ARHGEF37: variants seen among roughly 807,000 people sequenced by gnomAD.
ARHGEF37 encodes the protein Rho guanine nucleotide exchange factor 37, also known as Rho guanine nucleotide exchange factor (GEF) 37.
ARHGEF37 carries 55 observed loss-of-function variants against 71.1 expected under a neutral mutation model. The observed-to-expected ratio is 0.77, with a 90% CI of 0.62 to 0.97. The LOEUF is 0.97. Among genes scored for constraint, ARHGEF37 ranks in the 50% least tolerant of loss-of-function variants. The probability of loss-of-function intolerance (pLI) is 0.00; values close to 1 mark genes in which losing one functional copy is unlikely to be tolerated. For synonymous variants in ARHGEF37, 327 were observed against 350.6 expected (o/e 0.93, Z 0.75); for missense variants, 765 against 836.8 (o/e 0.91, Z 1.06).
chr5:149,558,367 G>A (rs879159497), intron 1 of ARHGEF37, among the ~76,000 whole-genome samples: 1 of 152,104 alleles, frequency 6.6e-6, no homozygotes, highest in African/African-American at 2.4e-5. Flanking sequence ...TTAGCTGGGC[G>A]TGGTGGCTTG....
chr5:149,565,362 A>C (rs940125632), intron 1 of ARHGEF37, among the ~76,000 whole-genome samples: 3 of 152,212 alleles, frequency 2.0e-5, no homozygotes, highest in African/African-American at 4.8e-5. Flanking sequence ...GCATTAGCAC[A>C]CTGGGTAATA....
At chr5:149,605,190 G>A (rs1310746579) in intron 3 of ARHGEF37, among the ~76,000 whole-genome samples, 4 of 147,110 alleles carry the variant, frequency 2.7e-5, no homozygotes, top group Non-Finnish European at 5.9e-5. Flanking sequence ...TTGTGCCACT[G>A]CACTGCAGCC....
chr5:149,616,639 G>C lies in ARHGEF37; in HGVS notation c.531G>C (p.Leu177=), dbSNP rs1380172496. 1.9e-6 allele frequency: 3 copies of C among 1,613,426 alleles called. No individual in the cohort carries two copies. The African/African-American group carries it at 4.0e-5, about 22-fold the overall frequency. ...IPLQRITRYP[L]LLQKILENTV... ...TGCAGAGGATCACCAGGTACCCACT[G>C]CTGCTGCAGAAAATCCTGGAGAACA... Residue 177 remains leucine (L), a synonymous_variant, in exon 5 of 13, where the codon CTG becomes CTC. Transcript: ENST00000333677.
chr5:149,588,411 C>T (rs1296103477), intron 1 of ARHGEF37, among the ~76,000 whole-genome samples: 4 of 152,186 alleles, frequency 2.6e-5, no homozygotes, highest in Non-Finnish European at 4.4e-5. Context: ...ATTTTTGTGT[C>T]TCAGCCACCC....
chr5:149,576,092 A>C (rs981390780), intron 1 of ARHGEF37, among the ~76,000 whole-genome samples: 6 of 152,156 alleles, frequency 3.9e-5, no homozygotes, highest in African/African-American at 1.4e-4. Flanking sequence ...CTGAAAATAC[A>C]AAATTAGCTG....
chr5:149,599,432 A>AACTT (rs1763687048), intron 2 of ARHGEF37, among the ~76,000 whole-genome samples: 4 of 44,934 alleles, frequency 8.9e-5, no homozygotes, highest in African/African-American at 4.1e-4. Flanking sequence ...GCCCAAGGCA[A>AACTT]ACTTATTTAT....
At chr5:149,600,988 G>T in intron 2 of ARHGEF37, 120 bp from the exon 3 acceptor site, 1 of 1,196,006 alleles carries the variant, frequency 8.4e-7, no homozygotes, top group Non-Finnish European at 1.1e-6. Context: ...TTCCACTGGG[G>T]CAGCCAATCT....
intron 3 of ARHGEF37, among the ~76,000 whole-genome samples, chr5:149,603,840 G>T (rs1261119461): frequency 6.6e-6 from 1 of 152,204 alleles, no homozygotes; most frequent in Non-Finnish European, 1.5e-5. Context: ...GGAGTCTGAG[G>T]CACGAGAATC....
chr5:149,634,855 A>T lies in ARHGEF37; in HGVS notation c.*2664A>T, dbSNP rs1056189. On this transcript the variant is annotated 3_prime_UTR_variant, in exon 13 of 13. Coordinates refer to ENST00000333677, the MANE Select transcript of ARHGEF37 (RefSeq NM_001001669.3). ...CCCCAACTCAGTTGTGGAGATGAGG[A>T]CAAGATTACAATATCAAAAGAAAGA... 11 of 152,440 alleles carry T rather than the reference A, an allele frequency of 7.2e-5. No individual in the cohort carries two copies. The highest frequency in any genetic ancestry group is 2.7e-4 in the African/African-American group (11 of 41,380). 9.4% of individuals were successfully genotyped at this position (152,440 alleles called of 1,614,324 possible). A position where few individuals can be genotyped will look rare whatever the true frequency, so the allele number is the denominator to read the frequency against.
In ARHGEF37 at chr5:149,556,639, G is replaced by A. The variant is rs141460212; in HGVS notation, c.-12+4516G>A. ...TGATCTCAGGTGATCCACCTGCCTC[G>A]GCCTCCCAAAGTGCTGGGATTACAG... On this transcript the variant is annotated intron_variant, in intron 1 of 2. Coordinates refer to the ARHGEF37 transcript ENST00000505810. Among the ~76,000 whole-genome samples the A allele has an allele frequency of 3.9e-5, 6 of 151,908 alleles. No individual in the cohort carries two copies. The East Asian group carries it at 9.7e-4, about 25-fold the overall frequency.
intron 1 of ARHGEF37, among the ~76,000 whole-genome samples, chr5:149,582,659 G>T (rs1023001506): frequency 6.2e-5 from 7 of 113,322 alleles, no homozygotes; most frequent in African/African-American, 2.6e-4. Flanking sequence ...AATTTGAATG[G>T]TTCTAGCATA....
chr5:149,605,911 C>T (rs1234635655), intron 3 of ARHGEF37, among the ~76,000 whole-genome samples: 2 of 152,148 alleles, frequency 1.3e-5, no homozygotes, highest in Admixed American at 6.5e-5. Flanking sequence ...CCAACTAATC[C>T]CAGCTAGAGA....
At position 149,597,889 on chromosome 5, in the gene ARHGEF37, C is replaced by T; in HGVS notation, c.120C>T (p.Asp40=). 8.7e-6 allele frequency: 14 copies of T among 1,609,770 alleles called. No individual in the cohort carries two copies. Among genetic ancestry groups the T allele is most frequent in the East Asian group, 2.2e-5 (1 of 44,590 alleles). Residue 40 remains aspartate, a synonymous_variant, in exon 2 of 13, where the codon GAC becomes GAT. Transcript: ENST00000333677. The stretch of plus-strand genomic sequence containing the variant: ...GGCTGGCTGTCCGGGAGCTCATCGA[C>T]ACTGAGGTCTCCTACTTGCACATGC... ...HQRLAVRELI[D]TEVSYLHMLQ...
At chr5:149,573,530 C>T (rs1220169945) in intron 1 of ARHGEF37, among the ~76,000 whole-genome samples, 5 of 152,172 alleles carry the variant, frequency 3.3e-5, no homozygotes, top group Admixed American at 2.6e-4. Flanking sequence ...ACTCAATGCC[C>T]AGTTACTCTT....
chr5:149,558,023 G>A (rs1316486198), intron 1 of ARHGEF37, among the ~76,000 whole-genome samples: 3 of 151,858 alleles, frequency 2.0e-5, no homozygotes, highest in Non-Finnish European at 4.4e-5. Context: ...CTGCCACCAC[G>A]ACTGGCTAAT....
chr5:149,610,860 A>G (rs1347684354), intron 4 of ARHGEF37, among the ~76,000 whole-genome samples: 1 of 152,262 alleles, frequency 6.6e-6, no homozygotes, highest in African/African-American at 2.4e-5. Flanking sequence ...TTGCTAGATA[A>G]CAAATCACCC....
intron 1 of ARHGEF37, among the ~76,000 whole-genome samples, chr5:149,585,604 G>A (rs1046017733): frequency 2.6e-5 from 4 of 152,126 alleles, no homozygotes; most frequent in East Asian, 1.9e-4. Flanking sequence ...TGCAACCTCC[G>A]CCTCCTGGGT....
intron 1 of ARHGEF37, among the ~76,000 whole-genome samples, chr5:149,596,925 C>T (rs1370474609): frequency 1.3e-5 from 2 of 152,170 alleles, no homozygotes; most frequent in African/African-American, 4.8e-5. Flanking sequence ...TAAAGTCTTA[C>T]AGCAGGGCAC....
In ARHGEF37 at chr5:149,598,737, C is replaced by CATAT. The variant is rs201234693; in HGVS notation, c.186+791_186+794dup. Among the ~76,000 whole-genome samples the CATAT allele has an allele frequency of 3.7e-4, 39 of 104,648 alleles. 1 individual carries two copies. Among genetic ancestry groups the CATAT allele is most frequent in the African/African-American group, 1.2e-3 (35 of 28,552 alleles). 68.7% of individuals were successfully genotyped at this position (104,648 alleles called of 152,430 possible). A position where few individuals can be genotyped will look rare whatever the true frequency, so the allele number is the denominator to read the frequency against. Reference sequence around the variant, plus strand: ...ACAGAATTCCAGAAAAAATAAATCTCATATATATATATCTATATATAGATA... The same window carrying CATAT: ...ACAGAATTCCAGAAAAAATAAATCTCATATATATATATATATCTATATATAGATA... On this transcript the variant is annotated intron_variant, in intron 2 of 12. Coordinates refer to ENST00000333677, the MANE Select transcript of ARHGEF37 (RefSeq NM_001001669.3).
Sources: allele counts gnomAD v4.1 joint callset (sites outside exome capture counted in the v4.1 genomes callset), GRCh38; gene constraint gnomAD v4.1.1; transcripts MANE v1.5; gene names NCBI Gene and HGNC (gene_info 2026-07-23, HGNC 2026-07-21).